The following SIPA1L1 variants were observed in gnomAD, a reference collection of about 807,000 sequenced individuals.
SIPA1L1 encodes the protein signal induced proliferation associated 1 like 1.
In SIPA1L1, 26 loss-of-function variants were observed where a neutral mutation model predicts 162.7. That is an observed-to-expected ratio of 0.16 (90% confidence interval 0.12 to 0.22). The LOEUF (loss-of-function observed/expected upper bound fraction) is 0.22. Among genes scored for constraint, SIPA1L1 ranks in the 10% least tolerant of loss-of-function variants. The probability of loss-of-function intolerance (pLI) is 1.00; values close to 1 mark genes in which losing one functional copy is unlikely to be tolerated. For missense variants in SIPA1L1, 1,874 were observed against 2,241.0 expected, an observed-to-expected ratio of 0.84 and a Z score of 3.31; for synonymous variants, 829 against 837.4, an observed-to-expected ratio of 0.99 and a Z score of 0.17.
chr14:71,601,588 G>A (rs948871641), intron 5 of SIPA1L1, among the ~76,000 whole-genome samples: 13 of 152,230 alleles, frequency 8.5e-5, no homozygotes, highest in African/African-American at 3.1e-4. Flanking sequence ...TTTGGTATCA[G>A]GGTAATGCTG....
At chr14:71,407,938 A>G (rs1480021404) in intron 2 of SIPA1L1, among the ~76,000 whole-genome samples, 3 of 152,172 alleles carry the variant, frequency 2.0e-5, no homozygotes, top group African/African-American at 7.2e-5. Context: ...TCCACCAGTG[A>G]TGGAAAGTCA....
intron 2 of SIPA1L1, among the ~76,000 whole-genome samples, chr14:71,472,652 T>C (rs1265686982): frequency 6.6e-6 from 1 of 151,876 alleles, no homozygotes. Flanking sequence ...TTAATGAATG[T>C]ATAACATGTT....
chr14:71,629,554 T>C (rs1329261493), intron 7 of SIPA1L1, among the ~76,000 whole-genome samples: 2 of 152,308 alleles, frequency 1.3e-5, no homozygotes, highest in Non-Finnish European at 1.5e-5. Flanking sequence ...GTGTAATATG[T>C]TAAACCCAAA....
chr14:71,724,660 T>C lies in SIPA1L1; in HGVS notation c.4449-10T>C. The C allele has an allele frequency of 6.2e-7, 1 of 1,607,624 alleles. No homozygotes were observed. The highest frequency in any genetic ancestry group is 8.5e-7 in the Non-Finnish European group (1 of 1,177,832). ...GTTGGTATCTATCATCTCTTCCCTT[T>C]TTTGTCCAGGCGTCATCAGAGCGAT... On this transcript the variant is annotated splice_polypyrimidine_tract_variant and intron_variant, in intron 18 of 23. Transcript: ENST00000381232.
intron 5 of SIPA1L1, among the ~76,000 whole-genome samples, chr14:71,600,775 A>G (rs889556481): frequency 2.6e-5 from 4 of 152,108 alleles, no homozygotes; most frequent in African/African-American, 9.7e-5. Context: ...AGTTTTCCTT[A>G]TAGAGATCTT....
intron 2 of SIPA1L1, among the ~76,000 whole-genome samples, chr14:71,356,708 C>T (rs1325548446): frequency 1.3e-5 from 2 of 152,054 alleles, no homozygotes; most frequent in South Asian, 2.1e-4. Flanking sequence ...AGAGTGAGAC[C>T]ATGTCTCTAC....
At chr14:71,657,454 A>G (rs17092381) in intron 8 of SIPA1L1, among the ~76,000 whole-genome samples, 2,384 of 152,210 alleles carry the variant, frequency 0.016, 52 homozygotes, top group African/African-American at 0.054. Context: ...TTGAGTCTAA[A>G]CAGGTATTCC....
intron 2 of SIPA1L1, among the ~76,000 whole-genome samples, chr14:71,343,427 T>G (rs575375032): frequency 6.6e-6 from 1 of 152,264 alleles, no homozygotes; most frequent in African/African-American, 2.4e-5. Context: ...TCAGGAAGAA[T>G]AGAGAAAAAT....
At chr14:71,648,357 T>C (rs2042347010) in intron 7 of SIPA1L1, among the ~76,000 whole-genome samples, 1 of 152,198 alleles carries the variant, frequency 6.6e-6, no homozygotes, top group African/African-American at 2.4e-5. Context: ...GCTGTTGAGC[T>C]TTCTTGTCAG....
At chr14:71,339,029 T>C (rs2035376579) in intron 2 of SIPA1L1, among the ~76,000 whole-genome samples, 1 of 152,084 alleles carries the variant, frequency 6.6e-6, no homozygotes, top group African/African-American at 2.4e-5. Context: ...TGTGAGCCAC[T>C]GTGCATGGCC....
intron 2 of SIPA1L1, among the ~76,000 whole-genome samples, chr14:71,362,202 C>T (rs73301395): frequency 0.011 from 1,719 of 152,244 alleles, 39 homozygotes; most frequent in African/African-American, 0.04. Context: ...GAAATCAGCT[C>T]CACAATCAGA....
chr14:71,725,305 A>G (rs1164708605), intron 19 of SIPA1L1, among the ~76,000 whole-genome samples: 4 of 152,116 alleles, frequency 2.6e-5, no homozygotes, highest in Admixed American at 2.6e-4. Context: ...TATTCTCTTC[A>G]CTCAGAGAAA....
intron 2 of SIPA1L1, among the ~76,000 whole-genome samples, chr14:71,422,729 C>T (rs553532715): frequency 3.3e-5 from 5 of 152,330 alleles, no homozygotes; most frequent in East Asian, 1.9e-4. Context: ...ATTCATCCAT[C>T]GATGGACACT....
chr14:71,488,251 G>A (rs1294604381), intron 2 of SIPA1L1, among the ~76,000 whole-genome samples: 1 of 151,970 alleles, frequency 6.6e-6, no homozygotes, highest in Non-Finnish European at 1.5e-5. Flanking sequence ...TTTCATTACT[G>A]ATTATTAATA....
chr14:71,398,566 T>C (rs2041412893), intron 2 of SIPA1L1, among the ~76,000 whole-genome samples: 1 of 152,216 alleles, frequency 6.6e-6, no homozygotes, highest in Non-Finnish European at 1.5e-5. Flanking sequence ...TGACACGCCT[T>C]GTGTGGCTGA....
intron 4 of SIPA1L1, chr14:71,576,438 T>C (rs1451865613): frequency 1.3e-5 from 2 of 152,190 alleles, no homozygotes; most frequent in Admixed American, 6.5e-5. Context: ...ACAAGCATGC[T>C]CTGAAAGGAC....
At chr14:71,520,281 A>G (rs967285815) in intron 3 of SIPA1L1, among the ~76,000 whole-genome samples, 1 of 152,242 alleles carries the variant, frequency 6.6e-6, no homozygotes, top group Admixed American at 6.5e-5. Context: ...TAATCAGTTC[A>G]TCAAAATGAA....
intron 2 of SIPA1L1, among the ~76,000 whole-genome samples, chr14:71,387,017 G>A (rs1166013636): frequency 6.6e-6 from 1 of 152,170 alleles, no homozygotes; most frequent in Non-Finnish European, 1.5e-5. Context: ...GGGAGGCCAA[G>A]GCAGGCAGAT....
chr14:71,354,689 A>G (rs866558782), intron 2 of SIPA1L1, among the ~76,000 whole-genome samples: 5 of 152,160 alleles, frequency 3.3e-5, no homozygotes, highest in Admixed American at 6.5e-5. Flanking sequence ...CGTAGTAACT[A>G]CTTTGCAGAC....
Sources: allele counts gnomAD v4.1 joint callset (sites outside exome capture counted in the v4.1 genomes callset), GRCh38; gene constraint gnomAD v4.1.1; transcripts MANE v1.5; gene names NCBI Gene and HGNC (gene_info 2026-07-23, HGNC 2026-07-21).